CRYZL1: variants seen among roughly 807,000 people sequenced by gnomAD.
The protein encoded by CRYZL1 is ferry endosomal RAB5 effector complex subunit 4.
In CRYZL1, 34 loss-of-function variants were observed where a neutral mutation model predicts 50.6. That is an observed-to-expected ratio of 0.67 (90% CI 0.51 to 0.89). The LOEUF is 0.89. Among genes scored for constraint, CRYZL1 ranks in the 40% least tolerant of loss-of-function variants. The pLI, the probability that CRYZL1 is intolerant of heterozygous loss-of-function variation, is 0.00. For missense variants in CRYZL1, 354 were observed against 402.3 expected, an observed-to-expected ratio of 0.88 and a Z score of 1.03; for synonymous variants, 125 against 134.3, an observed-to-expected ratio of 0.93 and a Z score of 0.48.
rs114663231 is a variant in CRYZL1 at position 33,597,133 on chromosome 21, G to C, written c.798+147C>G. On this transcript the variant is annotated intron_variant, in intron 10 of 12. Coordinates refer to ENST00000381554, the MANE Select transcript of CRYZL1 (RefSeq NM_145858.3). ...GATCCGCCCGCCGCGGCCTCCCATA[G>C]TGCTGGACTCATAGGTGTGAGCCAC... 716 of 733,288 alleles carry C rather than the reference G, an allele frequency of 9.8e-4. 4 individuals are homozygous for C. In the African/African-American group the frequency reaches 0.012, roughly 12 times the overall value. 45.4% of individuals were successfully genotyped at this position (733,288 alleles called of 1,614,324 possible).
At chr21:33,622,701 G>GTA (rs1361297694) in intron 3 of CRYZL1, among the ~76,000 whole-genome samples, 2 of 152,110 alleles carry the variant, frequency 1.3e-5, no homozygotes, top group Admixed American at 1.3e-4. Flanking sequence ...AAGTAACAGG[G>GTA]TATACTGTCT....
At chr21:33,617,044 T>C (rs1477268787) in intron 4 of CRYZL1, 2 of 190,044 alleles carry the variant, frequency 1.1e-5, no homozygotes, top group Admixed American at 1.2e-4. Context: ...TGAGATGGAG[T>C]TCTGCTCTTG....
chr21:33,614,606 C>T (rs1489360640), intron 5 of CRYZL1, among the ~76,000 whole-genome samples: 1 of 152,150 alleles, frequency 6.6e-6, no homozygotes, highest in African/African-American at 2.4e-5. Flanking sequence ...GAGTCTCGCT[C>T]TGTTGCCTAG....
At chr21:33,597,553 A>G in intron 9 of CRYZL1, 152 bp from the exon 10 acceptor site, 1 of 609,678 alleles carries the variant, frequency 1.6e-6, no homozygotes, top group Non-Finnish European at 2.8e-6. Context: ...GCAATCCTCC[A>G]GCCTCAGCCT....
Position 33,616,721 on chromosome 21 carries a change from C to G in CRYZL1, c.247G>C (p.Asp83His). 1 of 1,608,826 alleles carries G rather than the reference C, an allele frequency of 6.2e-7. No individual in the cohort carries two copies. Among genetic ancestry groups the G allele is most frequent in the South Asian group, 1.1e-5 (1 of 89,776 alleles). ...TATAACTTACCAACTACTTCATCAT[C>G]TGGTTGAAAGAATGATACCTTGCTT... is the stretch of plus-strand genomic sequence containing the variant. ...VGSKVSFFQP[D>H]DEVVGILPLD... Residue 83 changes from aspartate to histidine, a missense_variant, in exon 5 of 13, where the codon GAT becomes CAT. Coordinates refer to ENST00000381554, the MANE Select transcript of CRYZL1 (RefSeq NM_145858.3).
intron 6 of CRYZL1, among the ~76,000 whole-genome samples, chr21:33,610,559 C>G (rs2086860784): frequency 6.6e-6 from 1 of 152,152 alleles, no homozygotes; most frequent in Non-Finnish European, 1.5e-5. Flanking sequence ...AATCCATCCT[C>G]CTGATTTATA....
At chr21:33,614,526 C>CAT (rs2086906426) in intron 5 of CRYZL1, among the ~76,000 whole-genome samples, 1 of 152,116 alleles carries the variant, frequency 6.6e-6, no homozygotes, top group African/African-American at 2.4e-5. Flanking sequence ...GTCCTTGATG[C>CAT]ATAGCTACCT....
chr21:33,638,210 CTTTTT>C (rs569863892), intron 1 of CRYZL1, among the ~76,000 whole-genome samples: 2 of 126,806 alleles, frequency 1.6e-5, no homozygotes. Flanking sequence ...GTCAGGTCTG[CTTTTT>C]TTTTTTTTTT....
intron 2 of CRYZL1, among the ~76,000 whole-genome samples, chr21:33,629,216 C>A (rs770089055): frequency 7.2e-5 from 11 of 152,044 alleles, no homozygotes; most frequent in Admixed American, 1.3e-4. Context: ...TGGCGCAAGA[C>A]CCTGTCTCAA....
chr21:33,602,704 C>A (rs2086769494), intron 7 of CRYZL1, among the ~76,000 whole-genome samples: 1 of 152,110 alleles, frequency 6.6e-6, no homozygotes, highest in East Asian at 1.9e-4. Flanking sequence ...ATATGGGAGT[C>A]CAGCTATCTC....
At chr21:33,615,565 G>A (rs1206956039) in intron 5 of CRYZL1, among the ~76,000 whole-genome samples, 3 of 152,132 alleles carry the variant, frequency 2.0e-5, no homozygotes, top group African/African-American at 7.2e-5. Context: ...CTATGTTTGT[G>A]TGACTGTCTA....
At chr21:33,616,481 G>A (rs920809356) in intron 5 of CRYZL1, 26 of 560,300 alleles carry the variant, frequency 4.6e-5, no homozygotes, top group Non-Finnish European at 7.0e-5. Context: ...TAGTAGAGAC[G>A]AGGTTTCTCC....
At chr21:33,635,239 CATTTT>C (rs1430818579) in intron 1 of CRYZL1, among the ~76,000 whole-genome samples, 4 of 151,246 alleles carry the variant, frequency 2.6e-5, no homozygotes, top group Admixed American at 6.6e-5. Flanking sequence ...AATTGTATTT[CATTTT>C]ATTTTTTGTT....
Position 33,589,937 on chromosome 21 carries a change from AT to A in CRYZL1, c.951-17del. 1 of 1,474,152 alleles carries A rather than the reference AT, an allele frequency of 6.8e-7. No individual in the cohort carries two copies. The highest frequency in any genetic ancestry group is 9.4e-7 in the Non-Finnish European group (1 of 1,063,802). The allele number at this position is 1,474,152 out of a possible 1,614,324, so 91.3% of individuals were successfully genotyped here. ...CAACTGAGGTCTGAGAAGGAATGAA[AT>A]TAGAAATGTCAGGTCTAGTTAAAGA... On this transcript the variant is annotated splice_polypyrimidine_tract_variant and intron_variant, in intron 12 of 12. Transcript: ENST00000381554.
At chr21:33,629,522 C>T (rs949002654) in intron 2 of CRYZL1, among the ~76,000 whole-genome samples, 1 of 152,238 alleles carries the variant, frequency 6.6e-6, no homozygotes, top group Non-Finnish European at 1.5e-5. Context: ...CTTGGCCTCC[C>T]AAAGTGCTGG....
At chr21:33,590,560 G>A (rs941179100) in intron 12 of CRYZL1, among the ~76,000 whole-genome samples, 3 of 151,968 alleles carry the variant, frequency 2.0e-5, no homozygotes, top group Non-Finnish European at 4.4e-5. Context: ...GATTATGGGC[G>A]TTCGCCACCA....
At position 33,602,269 on chromosome 21, in the gene CRYZL1, T is replaced by C; in HGVS notation, c.542A>G (p.Asp181Gly). Residue 181 changes from aspartate (D) to glycine (G), a missense_variant, in exon 8 of 13, where the codon GAT becomes GGT. Physicochemically the swap from Asp to Gly is moderately conservative, Grantham distance 94. Coordinates refer to ENST00000381554, the MANE Select transcript of CRYZL1 (RefSeq NM_145858.3). ...TCTGAATCTTTCAAGGCACTGCTTATCTTCAAGGCTGCATGCTGTTGAAAT... is the reference window on the plus strand; with the variant it reads ...TCTGAATCTTTCAAGGCACTGCTTACCTTCAAGGCTGCATGCTGTTGAAAT... Reference protein sequence around the residue: ...KVISTACSLEDKQCLERFRPP... With the variant: ...KVISTACSLEGKQCLERFRPP... 6.2e-7 allele frequency: 1 copy of C among 1,611,002 alleles called. No individual in the cohort carries two copies. The highest frequency in any genetic ancestry group is 8.5e-7 in the Non-Finnish European group (1 of 1,177,162).
intron 1 of CRYZL1, chr21:33,640,058 T>C: frequency 7.6e-7 from 1 of 1,317,138 alleles, no homozygotes; most frequent in Non-Finnish European, 1.0e-6. Context: ...ACTCCTGGCC[T>C]CAAGTGATCC....
At chr21:33,621,381 G>A (rs1179968997) in intron 4 of CRYZL1, among the ~76,000 whole-genome samples, 1 of 148,164 alleles carries the variant, frequency 6.7e-6, no homozygotes, top group Non-Finnish European at 1.5e-5. Context: ...CGCACTTGTC[G>A]CCCAGGCTGG....
Sources: gnomAD v4.1 joint callset for allele counts (sites outside exome capture counted in the v4.1 genomes callset) on GRCh38, gnomAD v4.1.1 for gene constraint, MANE v1.5 for transcripts, NCBI Gene and HGNC (gene_info 2026-07-23, HGNC 2026-07-21) for gene names.